CLNK: variants seen among roughly 807,000 people sequenced by gnomAD.
The protein encoded by CLNK is cytokine dependent hematopoietic cell linker, also known as cytokine-dependent hematopoietic cell linker.
CLNK carries 74 observed loss-of-function variants against 68.6 expected under a neutral mutation model. The observed-to-expected ratio is 1.08, with a 90% CI of 0.89 to 1.31. The LOEUF is 1.31. Ranked by LOEUF, CLNK falls within the 50% of genes most tolerant of loss-of-function variation. CLNK has a pLI of 0.00. For synonymous variants in CLNK, 198 were observed against 172.2 expected (o/e 1.15, Z -1.17); for missense variants, 553 against 515.3 (o/e 1.07, Z -0.71).
At chr4:10,519,225 A>G (rs976510389) in intron 15 of CLNK, among the ~76,000 whole-genome samples, 3 of 152,196 alleles carry the variant, frequency 2.0e-5, no homozygotes, top group African/African-American at 7.2e-5. Flanking sequence ...TGATCTACTT[A>G]CAGCCCTGGG....
At chr4:10,620,415 G>A (rs1288589848) in intron 2 of CLNK, among the ~76,000 whole-genome samples, 5 of 152,154 alleles carry the variant, frequency 3.3e-5, no homozygotes, top group Admixed American at 3.3e-4. Flanking sequence ...CTCAGGCACT[G>A]ACTTAACTGT....
At chr4:10,642,610 A>C (rs773238958) in intron 2 of CLNK, among the ~76,000 whole-genome samples, 1 of 152,152 alleles carries the variant, frequency 6.6e-6, no homozygotes, top group Non-Finnish European at 1.5e-5. Flanking sequence ...ACCTGTATGC[A>C]TGTGGGTAAG....
intron 3 of CLNK, among the ~76,000 whole-genome samples, chr4:10,586,319 A>G (rs1006806167): frequency 6.8e-5 from 10 of 146,098 alleles, no homozygotes; most frequent in Non-Finnish European, 1.0e-4. Context: ...CTCATCTCTG[A>G]ATCTTTCTTT....
chr4:10,716,669 G>A, the CLNK span, among the ~76,000 whole-genome samples: 1 of 150,204 alleles, frequency 6.7e-6, no homozygotes, highest in African/African-American at 2.4e-5. Flanking sequence ...AAAGAGGCAG[G>A]CTGGCAAGAC....
upstream of CLNK, among the ~76,000 whole-genome samples, chr4:10,686,383 C>T (rs1191028999): frequency 6.6e-6 from 1 of 151,948 alleles, no homozygotes; most frequent in Non-Finnish European, 1.5e-5. Flanking sequence ...GTATTCGACC[C>T]ATAACAAGAC....
At chr4:10,638,846 G>T (rs1015738053) in intron 2 of CLNK, among the ~76,000 whole-genome samples, 1 of 152,170 alleles carries the variant, frequency 6.6e-6, no homozygotes, top group Admixed American at 6.5e-5. Flanking sequence ...GTAGCTGGCT[G>T]TCTTATTTCT....
chr4:10,622,874 C>G (rs1722514393), intron 2 of CLNK, among the ~76,000 whole-genome samples: 1 of 152,140 alleles, frequency 6.6e-6, no homozygotes, highest in Non-Finnish European at 1.5e-5. Flanking sequence ...TCCTGGCTTA[C>G]AAACAGCCAC....
chr4:10,699,285 C>CACACACATACACACCATGTATGT, the CLNK span, among the ~76,000 whole-genome samples: 17 of 46,194 alleles, frequency 3.7e-4, 2 homozygotes, highest in Admixed American at 1.6e-3. Flanking sequence ...ACACCACATA[C>CACACACATACACACCATGTATGT]GTGTATACAC....
chr4:10,572,230 C>T (rs967829311), intron 4 of CLNK, among the ~76,000 whole-genome samples: 1 of 152,240 alleles, frequency 6.6e-6, no homozygotes, highest in Non-Finnish European at 1.5e-5. Context: ...CCTGAATAGA[C>T]TATAAGTATT....
At chr4:10,581,727 T>C (rs1162917966) in intron 4 of CLNK, among the ~76,000 whole-genome samples, 2 of 151,924 alleles carry the variant, frequency 1.3e-5, no homozygotes, top group Non-Finnish European at 2.9e-5. Context: ...AATGAATGGA[T>C]GGGTGAGTGG....
At chr4:10,499,318 A>G (rs1716940532) in intron 18 of CLNK, among the ~76,000 whole-genome samples, 1 of 152,200 alleles carries the variant, frequency 6.6e-6, no homozygotes, top group Non-Finnish European at 1.5e-5. Context: ...GCGACTGTCC[A>G]AGGAGGCACC....
At chr4:10,587,983 C>T (rs1721031839) in intron 3 of CLNK, among the ~76,000 whole-genome samples, 2 of 152,294 alleles carry the variant, frequency 1.3e-5, no homozygotes, top group East Asian at 1.9e-4. Context: ...AATCATTTAT[C>T]GACGGCCTGA....
At chr4:10,636,335 G>A (rs754528338) in intron 2 of CLNK, among the ~76,000 whole-genome samples, 1 of 152,176 alleles carries the variant, frequency 6.6e-6, no homozygotes, top group African/African-American at 2.4e-5. Flanking sequence ...TGAAGACACA[G>A]AGAGAAAAGA....
At chr4:10,592,217 A>G (rs1721204662) in intron 3 of CLNK, among the ~76,000 whole-genome samples, 1 of 152,176 alleles carries the variant, frequency 6.6e-6, no homozygotes, top group South Asian at 2.1e-4. Context: ...ATTAGACTTT[A>G]AGTTCTTTGA....
the CLNK span, among the ~76,000 whole-genome samples, chr4:10,707,138 G>T: frequency 6.6e-6 from 1 of 152,074 alleles, no homozygotes. Flanking sequence ...TAAACCTGGG[G>T]TGTCCAATCT....
intron 4 of CLNK, among the ~76,000 whole-genome samples, chr4:10,574,802 A>G (rs977413339): frequency 2.0e-5 from 3 of 152,194 alleles, no homozygotes; most frequent in African/African-American, 7.2e-5. Flanking sequence ...GATTCCAGAC[A>G]TTGTATGGAA....
chr4:10,668,332 A>G (rs1014146353), intron 1 of CLNK, among the ~76,000 whole-genome samples: 9 of 152,230 alleles, frequency 5.9e-5, no homozygotes, highest in Non-Finnish European at 1.3e-4. Context: ...TTACAGTTCT[A>G]TATCACTTTA....
intron 4 of CLNK, among the ~76,000 whole-genome samples, chr4:10,581,829 A>G (rs1323071702): frequency 3.3e-5 from 5 of 152,096 alleles, no homozygotes; most frequent in Admixed American, 2.0e-4. Flanking sequence ...TTTGTTATCT[A>G]GAGAATAGAG....
the CLNK span, among the ~76,000 whole-genome samples, chr4:10,709,516 G>A: frequency 2.6e-5 from 4 of 152,086 alleles, no homozygotes; most frequent in African/African-American, 7.2e-5. Context: ...CTTTGGACAC[G>A]GAGAATTGAT....
Sources: allele counts gnomAD v4.1 joint callset (sites outside exome capture counted in the v4.1 genomes callset), GRCh38; gene constraint gnomAD v4.1.1; transcripts MANE v1.5; gene names NCBI Gene and HGNC (gene_info 2026-07-23, HGNC 2026-07-21).